The following SHC3 variants were observed in gnomAD, a reference collection of about 807,000 sequenced individuals.
SHC3 encodes the protein SHC-transforming protein 3.
SHC3 carries 15 observed loss-of-function variants against 60.4 expected under a neutral mutation model. That is an observed-to-expected ratio of 0.25 (90% CI 0.17 to 0.38). The LOEUF (loss-of-function observed/expected upper bound fraction) is 0.38, where lower values mean the gene tolerates loss of function less well. Among genes scored for constraint, SHC3 ranks in the 10% least tolerant of loss-of-function variants. SHC3 has a pLI of 1.00. For synonymous variants in SHC3, 294 were observed against 325.9 expected (o/e 0.90, Z 1.05); for missense variants, 677 against 786.1 (o/e 0.86, Z 1.66).
intron 2 of SHC3, among the ~76,000 whole-genome samples, chr9:89,101,948 C>T (rs1486126463): frequency 2.0e-5 from 3 of 151,956 alleles, no homozygotes; most frequent in Admixed American, 1.3e-4. Flanking sequence ...GTGGTCCTGA[C>T]CCTGGAGTTT....
chr9:89,124,488 C>T (rs1587740003), intron 1 of SHC3, among the ~76,000 whole-genome samples: 1 of 152,156 alleles, frequency 6.6e-6, no homozygotes, highest in Non-Finnish European at 1.5e-5. Context: ...ACATATACAA[C>T]ATGGAATACT....
chr9:89,133,347 C>T (rs1826276346), intron 1 of SHC3, among the ~76,000 whole-genome samples: 1 of 152,096 alleles, frequency 6.6e-6, no homozygotes. Context: ...GTGGAAGACA[C>T]TGTGGCGATT....
intron 6 of SHC3, 142 bp downstream of exon 6, chr9:89,065,387 G>A: frequency 2.2e-6 from 2 of 893,924 alleles, no homozygotes; most frequent in Non-Finnish European, 3.6e-6. Context: ...TACAACCCTT[G>A]CAAACCTCAT....
At chr9:89,144,583 C>T (rs1244641652) in intron 1 of SHC3, among the ~76,000 whole-genome samples, 1 of 152,142 alleles carries the variant, frequency 6.6e-6, no homozygotes, top group Non-Finnish European at 1.5e-5. Context: ...TTGACCTCAA[C>T]CATTTGCTGA....
chr9:89,126,417 C>T (rs1388418867), intron 1 of SHC3, among the ~76,000 whole-genome samples: 1 of 152,170 alleles, frequency 6.6e-6, no homozygotes. Context: ...CTGCTATTCT[C>T]TTTTAATTAA....
chr9:89,028,745 T>A lies in SHC3; in HGVS notation c.1656+9248A>T, dbSNP rs184277215. On this transcript the variant is annotated intron_variant, in intron 11 of 11. Coordinates refer to ENST00000375835, the MANE Select transcript of SHC3 (RefSeq NM_016848.6). ...AGAGAATATATATTCTCTATATAGA[T>A]ATATATTCTCTCTATATATATATTC... 4.3e-3 allele frequency among the ~76,000 whole-genome samples: 625 copies of A among 146,008 alleles called. 15 individuals carry two copies. The highest frequency in any genetic ancestry group is 0.037 in the Admixed American group (538 of 14,500).
intron 1 of SHC3, among the ~76,000 whole-genome samples, chr9:89,138,750 G>T (rs1330651071): frequency 6.6e-6 from 1 of 152,108 alleles, no homozygotes; most frequent in Non-Finnish European, 1.5e-5. Context: ...TAATCCTAAG[G>T]GTTGCGGAGG....
chr9:89,124,673 A>G (rs1235819987), intron 1 of SHC3, among the ~76,000 whole-genome samples: 1 of 151,730 alleles, frequency 6.6e-6, no homozygotes, highest in Non-Finnish European at 1.5e-5. Context: ...AACATCACAC[A>G]CCGGGGCCTG....
intron 11 of SHC3, among the ~76,000 whole-genome samples, chr9:89,036,933 A>T (rs1480699606): frequency 6.8e-6 from 1 of 147,224 alleles, no homozygotes; most frequent in Non-Finnish European, 1.5e-5. Flanking sequence ...CACAAACACA[A>T]AATATGTTTT....
chr9:89,093,827 G>A (rs937402514), intron 2 of SHC3, among the ~76,000 whole-genome samples: 2 of 152,062 alleles, frequency 1.3e-5, no homozygotes, highest in Admixed American at 6.5e-5. Flanking sequence ...GCACTGGTCG[G>A]GCGCGGTGGC....
intron 2 of SHC3, among the ~76,000 whole-genome samples, chr9:89,102,753 T>C (rs900926115): frequency 1.3e-5 from 2 of 152,222 alleles, no homozygotes; most frequent in Admixed American, 6.5e-5. Flanking sequence ...AAAAAAACAT[T>C]GGTTTTGTTA....
At chr9:89,065,246 C>A (rs989690011) in intron 6 of SHC3, among the ~76,000 whole-genome samples, 7 of 152,124 alleles carry the variant, frequency 4.6e-5, no homozygotes, top group African/African-American at 1.7e-4. Context: ...CCAGGAGTAA[C>A]CGAGGCCACT....
At chr9:89,119,357 T>C (rs1478053749) in intron 1 of SHC3, among the ~76,000 whole-genome samples, 2 of 151,956 alleles carry the variant, frequency 1.3e-5, no homozygotes, top group Admixed American at 6.6e-5. Flanking sequence ...TAACCATAAA[T>C]GCATCAAACC....
intron 11 of SHC3, among the ~76,000 whole-genome samples, chr9:89,025,853 G>A (rs190556293): frequency 6.6e-6 from 1 of 152,342 alleles, no homozygotes; most frequent in Non-Finnish European, 1.5e-5. Context: ...CTCTTGTGGG[G>A]AAAATCTGTA....
rs1185604208 is a variant in SHC3 at position 89,035,830 on chromosome 9, A to AATATATATATATATATAT, written c.1656+2145_1656+2162dup. Among the ~76,000 whole-genome samples, 249 of 106,340 alleles carry AATATATATATATATATAT rather than the reference A, an allele frequency of 2.3e-3. 3 individuals carry two copies. Among genetic ancestry groups the AATATATATATATATATAT allele is most frequent in the Non-Finnish European group, 3.9e-3 (203 of 52,002 alleles). 69.8% of individuals were successfully genotyped at this position (106,340 alleles called of 152,430 possible). A position where few individuals can be genotyped will look rare whatever the true frequency, so the allele number is the denominator to read the frequency against. ...AAACAAGCAAAAAACAAACAAACAAAATATATATATATATATATAGATGTG... is the reference window on the plus strand; with the variant it reads ...AAACAAGCAAAAAACAAACAAACAAAATATATATATATATATATATATATATATATATATATAGATGTG... On this transcript the variant is annotated intron_variant, in intron 11 of 11. Transcript: ENST00000375835.
At chr9:89,071,906 G>C (rs535315190) in intron 4 of SHC3, among the ~76,000 whole-genome samples, 6 of 152,314 alleles carry the variant, frequency 3.9e-5, no homozygotes, top group African/African-American at 1.4e-4. Context: ...ACTCTTCCTT[G>C]CAAGACATTG....
At chr9:89,049,597 TAA>T (rs1236642921) in intron 7 of SHC3, among the ~76,000 whole-genome samples, 1 of 152,236 alleles carries the variant, frequency 6.6e-6, no homozygotes, top group African/African-American at 2.4e-5. Context: ...GGAGATTAAA[TAA>T]GTGTTAACCT....
rs566674203 is a variant in SHC3 at position 89,018,046 on chromosome 9, G to A, written c.1657-4471C>T. 9.8e-5 allele frequency among the ~76,000 whole-genome samples: 15 copies of A among 152,302 alleles called. No individual in the cohort carries two copies. The South Asian group carries it at 3.1e-3, about 32-fold the overall frequency. ...GAACACTTTTACACTGTTGGTGGGAGTGTAAATTAGTTCAAACATTGTGGA... is the reference window on the plus strand; with the variant it reads ...GAACACTTTTACACTGTTGGTGGGAATGTAAATTAGTTCAAACATTGTGGA... On this transcript the variant is annotated intron_variant, in intron 11 of 11. Transcript: ENST00000375835.
intron 6 of SHC3, among the ~76,000 whole-genome samples, chr9:89,053,273 C>T (rs965122867): frequency 9.2e-5 from 14 of 152,228 alleles, no homozygotes; most frequent in Admixed American, 7.2e-4. Flanking sequence ...CCAAAAGCCG[C>T]GTTGGTCCCT....
Sources: gnomAD v4.1 joint callset for allele counts (sites outside exome capture counted in the v4.1 genomes callset) on GRCh38, gnomAD v4.1.1 for gene constraint, MANE v1.5 for transcripts, NCBI Gene and HGNC (gene_info 2026-07-23, HGNC 2026-07-21) for gene names.